Variants in YEATS2 observed in about 807,000 individuals in gnomAD.
The protein encoded by YEATS2 is YEATS domain containing 2.
YEATS2 carries 77 observed loss-of-function variants against 163.2 expected under a neutral mutation model. The observed-to-expected ratio is 0.47, with a 90% confidence interval of 0.39 to 0.57. The LOEUF is 0.57. Among genes scored for constraint, YEATS2 ranks in the 20% least tolerant of loss-of-function variants. YEATS2 has a pLI of 0.00. For synonymous variants in YEATS2, 631 were observed against 645.1 expected (o/e 0.98, Z 0.33); for missense variants, 1,549 against 1,729.8 (o/e 0.90, Z 1.85).
At chr3:183,804,419 C>A (rs925135615) in intron 27 of YEATS2, among the ~76,000 whole-genome samples, 6 of 152,242 alleles carry the variant, frequency 3.9e-5, no homozygotes, top group African/African-American at 1.4e-4. Flanking sequence ...CAGGCACACA[C>A]TGTCCACTCA....
intron 21 of YEATS2, among the ~76,000 whole-genome samples, chr3:183,796,960 G>A (rs1448826413): frequency 6.6e-6 from 1 of 152,002 alleles, no homozygotes; most frequent in Non-Finnish European, 1.5e-5. Context: ...GGCAGGCACA[G>A]TGGTTCACAT....
intron 9 of YEATS2, among the ~76,000 whole-genome samples, chr3:183,748,605 T>C (rs1189821265): frequency 1.3e-5 from 2 of 151,768 alleles, no homozygotes; most frequent in African/African-American, 2.4e-5. Flanking sequence ...TCTTTTTCTC[T>C]TCTCTTTTTT....
chr3:183,810,430 C>T (rs1170951494), intron 30 of YEATS2, 45 bp from the exon 31 acceptor site: 18 of 1,511,566 alleles, frequency 1.2e-5, no homozygotes, highest in African/African-American at 4.1e-5. Flanking sequence ...ATGAGATATA[C>T]GTGAGAGAAT....
At chr3:183,761,107 T>TA (rs1361380693) in intron 13 of YEATS2, among the ~76,000 whole-genome samples, 5 of 152,138 alleles carry the variant, frequency 3.3e-5, no homozygotes, top group South Asian at 4.2e-4. Flanking sequence ...CTTTTTTTTT[T>TA]ACGGAGTTTT....
chr3:183,714,280 C>T (rs989954745), intron 1 of YEATS2, among the ~76,000 whole-genome samples: 4 of 150,624 alleles, frequency 2.7e-5, no homozygotes, highest in Non-Finnish European at 5.9e-5. Context: ...ACTGCAAGCT[C>T]TGCCTCCTGG....
At chr3:183,791,022 T>C (rs766753866) in intron 21 of YEATS2, 42 bp downstream of exon 21, 2 of 1,593,912 alleles carry the variant, frequency 1.3e-6, no homozygotes, top group Non-Finnish European at 1.7e-6. Flanking sequence ...TTTTCTCTCA[T>C]TGGGCTGGAA....
At chr3:183,744,130 T>G (rs1305032052) in intron 8 of YEATS2, among the ~76,000 whole-genome samples, 33 of 79,496 alleles carry the variant, frequency 4.2e-4, no homozygotes, top group African/African-American at 1.7e-3. Context: ...TTTTTTTTTT[T>G]GAGACAGAAT....
At chr3:183,705,765 C>T (rs548275634) in intron 1 of YEATS2, among the ~76,000 whole-genome samples, 9 of 152,100 alleles carry the variant, frequency 5.9e-5, no homozygotes, top group East Asian at 3.9e-4. Context: ...TATGGCTGGG[C>T]GCAGTGGCTC....
chr3:183,767,921 T>C (rs973029170), intron 15 of YEATS2, among the ~76,000 whole-genome samples: 15 of 152,176 alleles, frequency 9.9e-5, no homozygotes, highest in Non-Finnish European at 7.4e-5. Context: ...GCATGTAATG[T>C]GGGGAAAGAA....
intron 7 of YEATS2, among the ~76,000 whole-genome samples, chr3:183,735,108 T>C (rs1718200475): frequency 6.6e-6 from 1 of 152,218 alleles, no homozygotes; most frequent in South Asian, 2.1e-4. Flanking sequence ...GTCTTTCCTG[T>C]CTATTCACTA....
intron 15 of YEATS2, among the ~76,000 whole-genome samples, chr3:183,763,511 T>A (rs1721591830): frequency 6.6e-6 from 1 of 152,206 alleles, no homozygotes; most frequent in Non-Finnish European, 1.5e-5. Context: ...TTCTACATTT[T>A]CTATAATCCA....
chr3:183,715,479 A>G (rs957273754), intron 2 of YEATS2, among the ~76,000 whole-genome samples: 6 of 152,152 alleles, frequency 3.9e-5, no homozygotes, highest in Non-Finnish European at 8.8e-5. Flanking sequence ...AGACAGTGAA[A>G]GCGAGACAAA....
intron 7 of YEATS2, among the ~76,000 whole-genome samples, chr3:183,730,286 A>T (rs908990487): frequency 6.6e-6 from 1 of 151,376 alleles, no homozygotes; most frequent in Non-Finnish European, 1.5e-5. Context: ...GCTGGTCTTG[A>T]ACTCCTGAGC....
intron 8 of YEATS2, among the ~76,000 whole-genome samples, chr3:183,746,673 TA>T (rs1719575536): frequency 6.6e-6 from 1 of 151,570 alleles, no homozygotes; most frequent in African/African-American, 2.4e-5. Flanking sequence ...TTTTTTTTTT[TA>T]GCAGTCATAC....
intron 17 of YEATS2, among the ~76,000 whole-genome samples, chr3:183,775,394 G>A (rs933365830): frequency 2.0e-5 from 3 of 152,158 alleles, no homozygotes; most frequent in East Asian, 1.9e-4. Context: ...TCAGGAGATC[G>A]AGACCATCCT....
chr3:183,736,694 G>A (rs759444177), intron 7 of YEATS2, 24 bp from the exon 8 acceptor site: 38 of 1,586,236 alleles, frequency 2.4e-5, no homozygotes, highest in Admixed American at 1.4e-4. Context: ...ATGGATGAAC[G>A]TGTTAATATC....
At chr3:183,788,560 T>C (rs916244621) in intron 20 of YEATS2, among the ~76,000 whole-genome samples, 2 of 152,242 alleles carry the variant, frequency 1.3e-5, no homozygotes, top group African/African-American at 4.8e-5. Flanking sequence ...TGATGGACAC[T>C]TAGGTTGATT....
At chr3:183,758,056 A>AAAAAAAAC (rs1243233081) in intron 12 of YEATS2, among the ~76,000 whole-genome samples, 2 of 152,152 alleles carry the variant, frequency 1.3e-5, no homozygotes, top group East Asian at 3.9e-4. Flanking sequence ...GTACAGATGG[A>AAAAAAAAC]GTATAAAATG....
chr3:183,737,310 A>G (rs1457886757), intron 8 of YEATS2, among the ~76,000 whole-genome samples: 1 of 152,156 alleles, frequency 6.6e-6, no homozygotes, highest in African/African-American at 2.4e-5. Flanking sequence ...GCTGTATTCA[A>G]AGTGGGAGTG....
Sources: gnomAD v4.1 joint callset for allele counts (sites outside exome capture counted in the v4.1 genomes callset) on GRCh38, gnomAD v4.1.1 for gene constraint, MANE v1.5 for transcripts, NCBI Gene and HGNC (gene_info 2026-07-23, HGNC 2026-07-21) for gene names.